TENM3: variants seen among roughly 807,000 people sequenced by gnomAD.
TENM3 encodes teneurin-3.
TENM3 carries 63 observed loss-of-function variants against 255.1 expected under a neutral mutation model. That is an observed-to-expected ratio of 0.25 (90% CI 0.20 to 0.30). The LOEUF is 0.30. Ranked by LOEUF, TENM3 falls within the 10% of genes least tolerant of loss-of-function variation. The pLI is 1.00. For missense variants in TENM3, 2,929 were observed against 3,461.1 expected (o/e 0.85, Z 3.86); for synonymous variants, 1,306 against 1,322.3 (o/e 0.99, Z 0.27).
At chr4:181,722,630 G>A in the TENM3 span, among the ~76,000 whole-genome samples, 1 of 152,092 alleles carries the variant, frequency 6.6e-6, no homozygotes, top group Admixed American at 6.6e-5. Context: ...GGAAAATACA[G>A]AAAAGCATAA....
the TENM3 span, among the ~76,000 whole-genome samples, chr4:182,032,963 A>T: frequency 6.8e-6 from 1 of 148,120 alleles, no homozygotes; most frequent in South Asian, 2.1e-4. Flanking sequence ...CTAGAGTTCT[A>T]TCTATTTTAT....
chr4:181,817,016 G>A, the TENM3 span, among the ~76,000 whole-genome samples: 1 of 152,148 alleles, frequency 6.6e-6, no homozygotes, highest in Non-Finnish European at 1.5e-5. Flanking sequence ...CAAGTTGCAC[G>A]TGCAAAGTGT....
At chr4:182,570,836 A>C (rs1346791974) in intron 3 of TENM3, among the ~76,000 whole-genome samples, 5 of 151,994 alleles carry the variant, frequency 3.3e-5, no homozygotes, top group East Asian at 3.9e-4. Context: ...TGTCAAAAAA[A>C]AAAACAAAAC....
chr4:182,300,891 C>G (rs542438171), intron 1 of TENM3, among the ~76,000 whole-genome samples: 7 of 152,310 alleles, frequency 4.6e-5, no homozygotes, highest in Admixed American at 4.6e-4. Flanking sequence ...AAATAATTGA[C>G]TTCATTTTGT....
chr4:182,408,156 T>C (rs1051941400), intron 3 of TENM3, among the ~76,000 whole-genome samples: 2 of 152,200 alleles, frequency 1.3e-5, no homozygotes, highest in Non-Finnish European at 2.9e-5. Context: ...AGAGATATGA[T>C]ATTGACCAGG....
chr4:182,021,893 A>C, the TENM3 span, among the ~76,000 whole-genome samples: 10 of 152,230 alleles, frequency 6.6e-5, no homozygotes, highest in Non-Finnish European at 1.3e-4. Context: ...AAAAAATAAC[A>C]TATACTGGCA....
At chr4:181,619,298 C>G in the TENM3 span, among the ~76,000 whole-genome samples, 1 of 152,128 alleles carries the variant, frequency 6.6e-6, no homozygotes, top group Admixed American at 6.5e-5. Context: ...TTTATTAAAG[C>G]CTTCTGTGAT....
At chr4:182,316,280 A>G (rs1762743541) in intron 1 of TENM3, among the ~76,000 whole-genome samples, 1 of 152,212 alleles carries the variant, frequency 6.6e-6, no homozygotes, top group Non-Finnish European at 1.5e-5. Flanking sequence ...TAGAACCAGA[A>G]CTGTGTTTAG....
chr4:181,529,045 G>C, the TENM3 span, among the ~76,000 whole-genome samples: 1 of 152,178 alleles, frequency 6.6e-6, no homozygotes, highest in African/African-American at 2.4e-5. Context: ...CTATCTGTGA[G>C]GAAGGCACAG....
intron 2 of TENM3, among the ~76,000 whole-genome samples, chr4:182,336,263 C>T (rs2150584117): frequency 6.6e-6 from 1 of 152,168 alleles, no homozygotes; most frequent in Admixed American, 6.5e-5. Context: ...AAAATGCATA[C>T]TGATTCTTAT....
chr4:182,180,761 C>T (rs1752791534), intron 1 of TENM3, among the ~76,000 whole-genome samples: 1 of 151,750 alleles, frequency 6.6e-6, no homozygotes. Flanking sequence ...CAGGCATAAG[C>T]TATGGCTCCT....
chr4:182,612,017 C>A (rs1749039083), intron 4 of TENM3, among the ~76,000 whole-genome samples: 1 of 151,846 alleles, frequency 6.6e-6, no homozygotes, highest in Non-Finnish European at 1.5e-5. Context: ...CCTGAATTCC[C>A]AGCATTTTGG....
At chr4:181,694,501 A>G in the TENM3 span, among the ~76,000 whole-genome samples, 2 of 152,192 alleles carry the variant, frequency 1.3e-5, no homozygotes, top group Admixed American at 6.5e-5. Context: ...TTTAAAGCAA[A>G]GGCAAGCTTA....
intron 1 of TENM3, among the ~76,000 whole-genome samples, chr4:182,302,665 G>A (rs905841162): frequency 2.6e-5 from 4 of 152,096 alleles, no homozygotes; most frequent in Admixed American, 2.0e-4. Context: ...TTTAAGGAGC[G>A]TGTGATAAAT....
At chr4:181,604,158 G>T in the TENM3 span, among the ~76,000 whole-genome samples, 18 of 152,044 alleles carry the variant, frequency 1.2e-4, no homozygotes, top group African/African-American at 4.1e-4. Flanking sequence ...CCAGCTACTC[G>T]GGAGGCTGAG....
At chr4:182,573,445 TCA>T (rs1744604779) in intron 3 of TENM3, among the ~76,000 whole-genome samples, 1 of 152,180 alleles carries the variant, frequency 6.6e-6, no homozygotes, top group South Asian at 2.1e-4. Flanking sequence ...ATCAAATCCC[TCA>T]CATCATATTT....
At chr4:181,626,176 G>A in the TENM3 span, among the ~76,000 whole-genome samples, 1 of 152,158 alleles carries the variant, frequency 6.6e-6, no homozygotes. Context: ...AGCAAGACTA[G>A]GCTGGAAGAA....
At chr4:181,467,099 G>C in the TENM3 span, among the ~76,000 whole-genome samples, 3 of 71,350 alleles carry the variant, frequency 4.2e-5, no homozygotes, top group Non-Finnish European at 7.8e-5. Flanking sequence ...GTGTGTGTGT[G>C]TGTGTATATA....
At chr4:182,266,001 T>G (rs1759219638) in intron 1 of TENM3, among the ~76,000 whole-genome samples, 1 of 152,226 alleles carries the variant, frequency 6.6e-6, no homozygotes, top group South Asian at 2.1e-4. Context: ...TTGACCTACC[T>G]TAAAATTTAC....
Sources: allele counts gnomAD v4.1 joint callset (sites outside exome capture counted in the v4.1 genomes callset), GRCh38; gene constraint gnomAD v4.1.1; transcripts MANE v1.5; gene names NCBI Gene and HGNC (gene_info 2026-07-23, HGNC 2026-07-21).